Variants in ABCC4 observed in about 807,000 individuals in gnomAD.
The protein encoded by ABCC4 is ATP-binding cassette sub-family C member 4.
A neutral mutation model predicts 168.5 loss-of-function variants in ABCC4; 102 were observed. That is an observed-to-expected ratio of 0.61 (90% CI 0.52 to 0.71). The LOEUF is 0.71. ABCC4 is among the 30% of genes least tolerant of loss of function. ABCC4 has a pLI of 0.00. For synonymous variants in ABCC4, 617 were observed against 590.7 expected (o/e 1.04, Z -0.65); for missense variants, 1,402 against 1,605.8 (o/e 0.87, Z 2.17).
chr13:95,239,355 G>A (rs1375628108), intron 3 of ABCC4, among the ~76,000 whole-genome samples: 1 of 152,142 alleles, frequency 6.6e-6, no homozygotes, highest in Admixed American at 6.6e-5. Context: ...AAACACTGGT[G>A]TCCTGAATCT....
chr13:95,167,919 T>C (rs1258102739), intron 14 of ABCC4, among the ~76,000 whole-genome samples: 1 of 152,040 alleles, frequency 6.6e-6, no homozygotes, highest in Non-Finnish European at 1.5e-5. Flanking sequence ...CAGGCTGGAG[T>C]GCAATGGCGC....
chr13:95,213,306 T>C (rs1348528999), intron 4 of ABCC4, among the ~76,000 whole-genome samples: 1 of 151,966 alleles, frequency 6.6e-6, no homozygotes, highest in African/African-American at 2.4e-5. Flanking sequence ...AGACGGGAAA[T>C]GTAGGTGGTG....
intron 22 of ABCC4, 132 bp from the exon 23 acceptor site, chr13:95,074,456 T>C: frequency 3.1e-6 from 2 of 651,878 alleles, no homozygotes; most frequent in Non-Finnish European, 5.4e-6. Flanking sequence ...AACCTTTAGA[T>C]TCCAGAAAGC....
chr13:95,164,054 A>AAAAAAAAGAAAGAAAG (rs59935866), intron 16 of ABCC4, among the ~76,000 whole-genome samples: 34 of 139,028 alleles, frequency 2.4e-4, no homozygotes, highest in Non-Finnish European at 3.5e-4. Context: ...AAAAAAAAAA[A>AAAAAAAAGAAAGAAAG]AAAGAAAGAA....
intron 19 of ABCC4, among the ~76,000 whole-genome samples, chr13:95,125,975 T>C (rs903159980): frequency 6.6e-6 from 1 of 152,154 alleles, no homozygotes; most frequent in Middle Eastern, 3.2e-3. Context: ...AAACACTGCA[T>C]GGCCAATGAA....
At chr13:95,210,651 T>A (rs759211180) in intron 5 of ABCC4, 41 bp downstream of exon 5, 61 of 1,477,442 alleles carry the variant, frequency 4.1e-5, no homozygotes, top group Admixed American at 2.5e-4. Context: ...GAAAGAGGGG[T>A]GTTTAATGCA....
chr13:95,112,350 CA>C (rs35484789), intron 20 of ABCC4, among the ~76,000 whole-genome samples: 62,819 of 131,514 alleles, frequency 0.48, 13,872 homozygotes, highest in Middle Eastern at 0.67. Flanking sequence ...GAGACCATCT[CA>C]AAAAAAAAAA....
chr13:95,071,965 A>C, intron 24 of ABCC4, 112 bp from the exon 25 acceptor site: 1 of 811,742 alleles, frequency 1.2e-6, no homozygotes, highest in East Asian at 3.0e-5. Flanking sequence ...TAAGGAGAGA[A>C]GCAGGAGACA....
In ABCC4 at chr13:95,265,139, G is replaced by C. The variant is rs192436100; in HGVS notation, c.75-17386C>G. Among the ~76,000 whole-genome samples, 9 of 152,252 alleles carry C rather than the reference G, an allele frequency of 5.9e-5. No individual in the cohort carries two copies. The East Asian group carries it at 1.7e-3, about 29-fold the overall frequency. ...TCACCTCAGCCTCCCAAAGTGCTAA[G>C]ATTACAGGTGGGAACAACCACATCC... On this transcript the variant is annotated intron_variant, in intron 1 of 30. Coordinates refer to ENST00000645237, the MANE Select transcript of ABCC4 (RefSeq NM_005845.5).
chr13:95,170,715 G>C, intron 13 of ABCC4, 87 bp from the exon 14 acceptor site: 2 of 758,692 alleles, frequency 2.6e-6, no homozygotes, highest in Non-Finnish European at 4.3e-6. Context: ...CGTAGTCAAA[G>C]ACAACACAGT....
chr13:95,187,414 G>A (rs934716921), intron 10 of ABCC4, among the ~76,000 whole-genome samples: 2 of 151,946 alleles, frequency 1.3e-5, no homozygotes, highest in African/African-American at 2.4e-5. Context: ...AGACCAGCCT[G>A]GCCAACATGG....
chr13:95,121,862 T>A (rs1317692688), intron 19 of ABCC4, among the ~76,000 whole-genome samples: 1 of 152,122 alleles, frequency 6.6e-6, no homozygotes, highest in South Asian at 2.1e-4. Flanking sequence ...CTTACATCCA[T>A]TGGGACCTTC....
chr13:95,262,448 T>C (rs1314864142), intron 1 of ABCC4, among the ~76,000 whole-genome samples: 1 of 152,208 alleles, frequency 6.6e-6, no homozygotes, highest in African/African-American at 2.4e-5. Flanking sequence ...GAAATCAATA[T>C]ACACTGATCC....
intron 20 of ABCC4, among the ~76,000 whole-genome samples, chr13:95,083,576 G>C (rs1273819413): frequency 6.7e-6 from 1 of 149,832 alleles, no homozygotes; most frequent in Non-Finnish European, 1.5e-5. Flanking sequence ...ACCCAGGCTG[G>C]AGTGAAGTGG....
rs761804652 is a variant in ABCC4, at chr13:95,209,450, A to G, written c.769T>C (p.Leu257=). 2.5e-6 allele frequency: 4 copies of G among 1,614,022 alleles called. No homozygotes were observed. In the Admixed American group the frequency reaches 6.7e-5, roughly 27 times the overall value. The change falls in exon 6 of 31, where the codon TTG becomes CTG. Residue 257 remains leucine, a synonymous_variant. Coordinates refer to ENST00000645237, the MANE Select transcript of ABCC4 (RefSeq NM_005845.5). ...TTCTCTTACCTCAGTGATGAGAACA[A>G]CTTCCCAAAACAGCTTTGCAAGGGC... The part of the protein sequence containing the change: ...LLPLQSCFGK[L]FSSLRSKTAT...
chr13:95,234,353 T>C (rs1251162162), intron 4 of ABCC4, among the ~76,000 whole-genome samples: 2 of 152,254 alleles, frequency 1.3e-5, no homozygotes, highest in East Asian at 1.9e-4. Flanking sequence ...TAGAAAACTT[T>C]CATTATACAC....
chr13:95,272,883 G>A (rs773552727), intron 1 of ABCC4, among the ~76,000 whole-genome samples: 34 of 151,738 alleles, frequency 2.2e-4, no homozygotes, highest in Non-Finnish European at 4.4e-4. Flanking sequence ...GCGAGACTCC[G>A]TCTCAAAAAA....
chr13:95,234,866 G>T, intron 3 of ABCC4, 32 bp from the exon 4 acceptor site: 1 of 1,399,926 alleles, frequency 7.1e-7, no homozygotes, highest in South Asian at 1.3e-5. Context: ...CCTTTAATTA[G>T]ACATACAGAC....
At chr13:95,198,914 C>T (rs1260730367) in intron 8 of ABCC4, among the ~76,000 whole-genome samples, 1 of 152,030 alleles carries the variant, frequency 6.6e-6, no homozygotes, top group African/African-American at 2.4e-5. Context: ...ACAATGAGAA[C>T]ACATGGACAC....
Sources: allele counts gnomAD v4.1 joint callset (sites outside exome capture counted in the v4.1 genomes callset), GRCh38; gene constraint gnomAD v4.1.1; transcripts MANE v1.5; gene names NCBI Gene and HGNC (gene_info 2026-07-23, HGNC 2026-07-21).